The following SPSB4 variants were observed in gnomAD, a reference collection of about 807,000 sequenced individuals.
SPSB4 encodes the protein SPRY domain-containing SOCS box protein 4.
Under a neutral mutation model 20.9 loss-of-function variants are expected in SPSB4, and 21 were observed. The ratio of observed to expected loss-of-function variants is 1.01; its 90% CI spans 0.71 to 1.45. SPSB4 has a LOEUF of 1.45. Ranked by LOEUF, SPSB4 falls within the 40% of genes most tolerant of loss-of-function variation. The probability of loss-of-function intolerance (pLI) is 0.00; values close to 1 mark genes in which losing one functional copy is unlikely to be tolerated. For missense variants in SPSB4, 399 were observed against 399.2 expected, an observed-to-expected ratio of 1.00 and a Z score of 0.00; for synonymous variants, 207 against 183.8, an observed-to-expected ratio of 1.13 and a Z score of -1.02.
At chr3:141,135,517 G>A (rs532355342) in intron 2 of SPSB4, among the ~76,000 whole-genome samples, 232 of 130,436 alleles carry the variant, frequency 1.8e-3, no homozygotes, top group Admixed American at 2.7e-3. Context: ...ACCAGTCCCC[G>A]GTGTGTGATG....
At chr3:141,087,700 A>G (rs1278978292) in intron 2 of SPSB4, among the ~76,000 whole-genome samples, 1 of 152,222 alleles carries the variant, frequency 6.6e-6, no homozygotes, top group Non-Finnish European at 1.5e-5. Flanking sequence ...ACCAGGGCCC[A>G]GGGCTGCATA....
chr3:141,095,067 C>A (rs1238871523), intron 2 of SPSB4, among the ~76,000 whole-genome samples: 1 of 152,078 alleles, frequency 6.6e-6, no homozygotes, highest in Non-Finnish European at 1.5e-5. Context: ...TATTCTGCTG[C>A]CAAACGGGGC....
intron 2 of SPSB4, among the ~76,000 whole-genome samples, chr3:141,094,743 A>G (rs1031855945): frequency 5.3e-5 from 8 of 151,790 alleles, no homozygotes; most frequent in Admixed American, 2.6e-4. Flanking sequence ...CTTGGCCTGA[A>G]GGTTCTCCCT....
chr3:141,072,417 C>T (rs1432731613), intron 2 of SPSB4, among the ~76,000 whole-genome samples: 5 of 151,214 alleles, frequency 3.3e-5, no homozygotes, highest in Admixed American at 6.6e-5. Context: ...GTGATTGGGC[C>T]GTGGCAGATA....
intron 2 of SPSB4, among the ~76,000 whole-genome samples, chr3:141,125,390 C>A (rs972017442): frequency 6.6e-6 from 1 of 152,156 alleles, no homozygotes; most frequent in Non-Finnish European, 1.5e-5. Context: ...GCTGGTGTTG[C>A]AGTAATATTA....
At chr3:141,109,934 C>G (rs915178872) in intron 2 of SPSB4, among the ~76,000 whole-genome samples, 1 of 152,208 alleles carries the variant, frequency 6.6e-6, no homozygotes, top group Non-Finnish European at 1.5e-5. Flanking sequence ...TAACTCACGT[C>G]CTGTGGCAAC....
intron 2 of SPSB4, among the ~76,000 whole-genome samples, chr3:141,119,313 A>G (rs1440308717): frequency 6.6e-6 from 1 of 152,176 alleles, no homozygotes; most frequent in East Asian, 1.9e-4. Flanking sequence ...GTGTATGGGA[A>G]TGCTTCTGAT....
intron 2 of SPSB4, among the ~76,000 whole-genome samples, chr3:141,122,373 G>T (rs1938982118): frequency 6.6e-6 from 1 of 152,182 alleles, no homozygotes; most frequent in South Asian, 2.1e-4. Context: ...CTACACAGGG[G>T]TCAGGGACCC....
intron 2 of SPSB4, among the ~76,000 whole-genome samples, chr3:141,070,522 T>C (rs1321571979): frequency 3.3e-5 from 5 of 151,918 alleles, no homozygotes; most frequent in African/African-American, 1.2e-4. Context: ...TGAAACTGGC[T>C]CAGGAGGTAA....
intron 2 of SPSB4, among the ~76,000 whole-genome samples, chr3:141,081,018 G>A (rs1938219383): frequency 6.6e-6 from 1 of 152,160 alleles, no homozygotes. Flanking sequence ...CCACTGCAAG[G>A]AGGGGATTGG....
intron 2 of SPSB4, among the ~76,000 whole-genome samples, chr3:141,085,701 A>G (rs1236155543): frequency 2.0e-5 from 3 of 152,228 alleles, no homozygotes; most frequent in Admixed American, 1.3e-4. Context: ...CTGCAGCCCA[A>G]TCTTACGTCT....
chr3:141,067,189 A>G (rs897541419), intron 2 of SPSB4, among the ~76,000 whole-genome samples: 1 of 152,228 alleles, frequency 6.6e-6, no homozygotes, highest in African/African-American at 2.4e-5. Flanking sequence ...GACCCAAGCT[A>G]GTCACAATGG....
chr3:141,092,115 T>A (rs1054514539), intron 2 of SPSB4, among the ~76,000 whole-genome samples: 4 of 152,286 alleles, frequency 2.6e-5, no homozygotes, highest in African/African-American at 7.2e-5. Flanking sequence ...CAGTTTTGAA[T>A]CAGACGGAGC....
Position 141,066,567 on chromosome 3 carries a change from A to G in SPSB4, c.463A>G (p.Asn155Asp). The G allele has an allele frequency of 1.9e-6, 3 of 1,542,834 alleles. No homozygotes were observed. The South Asian group carries it at 3.7e-5, about 19-fold the overall frequency. The change falls in exon 2 of 3, where the codon AAC (asparagine) becomes GAC (aspartate). Residue 155 changes from asparagine to aspartate, a missense_variant. Transcript: ENST00000310546. ...CAGCCGCCTCTACCACGACGGCAAG[A>G]ACCAGCCCGGCGTGGCCTACCCGGC... ...GRSRLYHDGK[N>D]QPGVAYPAFL...
chr3:141,053,298 C>T (rs1433676176), intron 1 of SPSB4, among the ~76,000 whole-genome samples: 1 of 150,082 alleles, frequency 6.7e-6, no homozygotes, highest in Non-Finnish European at 1.5e-5. Context: ...CATCCTTTAC[C>T]CAAGGGCATA....
At chr3:141,121,167 A>G (rs1357457830) in intron 2 of SPSB4, among the ~76,000 whole-genome samples, 2 of 152,124 alleles carry the variant, frequency 1.3e-5, no homozygotes, top group African/African-American at 4.8e-5. Flanking sequence ...TCCTTCACTT[A>G]TGAAGCTTAG....
rs1244092246 is a variant in SPSB4 at position 141,137,986 on chromosome 3, C to T, written c.695-9156C>T. Among the ~76,000 whole-genome samples, 3 of 152,078 alleles carry T rather than the reference C, an allele frequency of 2.0e-5. No homozygotes were observed. The South Asian group carries it at 6.2e-4, about 32-fold the overall frequency. Reference sequence around the variant, plus strand: ...TCCTGGACTTTTTTTGGTTGGTAAGCTATTAATTATTGCCTCAATTTCAGA... The same window carrying T: ...TCCTGGACTTTTTTTGGTTGGTAAGTTATTAATTATTGCCTCAATTTCAGA... On this transcript the variant is annotated intron_variant, in intron 2 of 2. Transcript: ENST00000310546.
chr3:141,105,556 C>T (rs1482626497), intron 2 of SPSB4, among the ~76,000 whole-genome samples: 3 of 152,160 alleles, frequency 2.0e-5, no homozygotes, highest in Admixed American at 6.5e-5. Context: ...CCCTGTCTGG[C>T]GTAGTATTGA....
chr3:141,059,442 G>A (rs948967194), intron 1 of SPSB4, among the ~76,000 whole-genome samples: 1 of 148,804 alleles, frequency 6.7e-6, no homozygotes, highest in African/African-American at 2.4e-5. Flanking sequence ...TTACAGTCAT[G>A]GCAGAAGGTG....
Sources: allele counts gnomAD v4.1 joint callset (sites outside exome capture counted in the v4.1 genomes callset), GRCh38; gene constraint gnomAD v4.1.1; transcripts MANE v1.5; gene names NCBI Gene and HGNC (gene_info 2026-07-23, HGNC 2026-07-21).